The following ATF6 variants were observed in gnomAD, a reference collection of about 807,000 sequenced individuals.
The protein encoded by ATF6 is activating transcription factor 6, also known as cyclic AMP-dependent transcription factor ATF-6 alpha.
A neutral mutation model predicts 83.6 loss-of-function variants in ATF6; 53 were observed. The observed-to-expected ratio is 0.63, with a 90% CI of 0.51 to 0.80. The LOEUF (loss-of-function observed/expected upper bound fraction) is 0.80. Among genes scored for constraint, ATF6 ranks in the 30% least tolerant of loss-of-function variants. ATF6 has a pLI of 0.00. For synonymous variants in ATF6, 288 were observed against 285.8 expected (o/e 1.01, Z -0.08); for missense variants, 744 against 797.9 (o/e 0.93, Z 0.81).
chr1:161,781,867 A>C (rs1204011471), intron 2 of ATF6, 45 bp from the exon 3 acceptor site: 1 of 1,288,688 alleles, frequency 7.8e-7, no homozygotes, highest in Non-Finnish European at 1.1e-6. Context: ...TAAGATGTGT[A>C]TGTTTTATTC....
intron 15 of ATF6, among the ~76,000 whole-genome samples, chr1:161,942,619 T>C (rs1410110729): frequency 1.3e-5 from 2 of 152,226 alleles, no homozygotes; most frequent in African/African-American, 4.8e-5. Flanking sequence ...CTGAAAGTCC[T>C]CCACAAACAT....
At position 161,958,798 on chromosome 1, in the gene ATF6, A is replaced by G; in HGVS notation, c.*144A>G. On this transcript the variant is annotated 3_prime_UTR_variant, in exon 16 of 16. Transcript: ENST00000367942. ...AGGAGGAAAGAAGAAGAAATAAAAG[A>G]AGCTGCTCCATTTTTCATCATCTAC... 1 of 662,866 alleles carries G rather than the reference A, an allele frequency of 1.5e-6. No homozygotes were observed. Among genetic ancestry groups the G allele is most frequent in the East Asian group, 2.8e-5 (1 of 35,142 alleles). 41.1% of individuals were successfully genotyped at this position (662,866 alleles called of 1,614,324 possible).
chr1:161,782,021 A>G, intron 3 of ATF6, 22 bp downstream of exon 3: 1 of 1,470,890 alleles, frequency 6.8e-7, no homozygotes, highest in South Asian at 1.2e-5. Context: ...TTTCACTGGT[A>G]AAAGTTTTAA....
intron 7 of ATF6, among the ~76,000 whole-genome samples, chr1:161,814,928 T>C (rs533646085): frequency 3.2e-4 from 48 of 152,306 alleles, no homozygotes; most frequent in African/African-American, 1.2e-3. Flanking sequence ...ATGTATGTTA[T>C]GTAATTTTTA....
intron 14 of ATF6, among the ~76,000 whole-genome samples, chr1:161,879,327 G>A (rs990388640): frequency 1.5e-4 from 23 of 152,108 alleles, no homozygotes; most frequent in Non-Finnish European, 5.9e-5. Flanking sequence ...AGAGACATTT[G>A]GATTGTGAGG....
intron 15 of ATF6, among the ~76,000 whole-genome samples, chr1:161,947,440 T>C (rs1202737726): frequency 6.6e-6 from 1 of 152,118 alleles, no homozygotes; most frequent in Non-Finnish European, 1.5e-5. Flanking sequence ...CTGGATTCTG[T>C]AAGGACAGAG....
chr1:161,833,166 A>G (rs1407667753), intron 9 of ATF6, among the ~76,000 whole-genome samples: 4 of 152,226 alleles, frequency 2.6e-5, no homozygotes, highest in Non-Finnish European at 4.4e-5. Flanking sequence ...GACCTCCAGT[A>G]AACTCCAACA....
intron 13 of ATF6, 33 bp downstream of exon 13, chr1:161,860,310 T>C (rs1460690570): frequency 3.4e-6 from 5 of 1,450,836 alleles, no homozygotes; most frequent in Non-Finnish European, 3.7e-6. Context: ...GGCCAAGGAA[T>C]TTAAAATAGC....
chr1:161,841,348 A>T (rs1366882267), intron 9 of ATF6, among the ~76,000 whole-genome samples: 1 of 152,206 alleles, frequency 6.6e-6, no homozygotes, highest in Non-Finnish European at 1.5e-5. Flanking sequence ...GGGTCATTTC[A>T]TAGAGTTCAA....
intron 15 of ATF6, among the ~76,000 whole-genome samples, chr1:161,920,260 A>G (rs549622431): frequency 6.9e-6 from 1 of 145,744 alleles, no homozygotes; most frequent in South Asian, 2.2e-4. Flanking sequence ...TTTAAAAAAT[A>G]CATAATCATA....
chr1:161,857,976 G>T (rs1425873319), intron 12 of ATF6, among the ~76,000 whole-genome samples: 2 of 152,136 alleles, frequency 1.3e-5, no homozygotes, highest in Non-Finnish European at 2.9e-5. Flanking sequence ...ACGGTGGCTT[G>T]TGCCTATAAT....
Position 161,781,995 on chromosome 1 carries a change from T to C in ATF6, c.243T>C (p.Cys81=), listed in dbSNP as rs138607905. ...SDIWDINNQI[C]TVKDIKAEPQ... is the part of the protein sequence containing the mutation. The stretch of plus-strand genomic sequence containing the variant: ...TTTGGGACATCAACAACCAAATCTG[T>C]ACAGGTAATTATGTGTTTCACTGGT... Residue 81 remains cysteine (C), a synonymous_variant, in exon 3 of 16, where the codon TGT becomes TGC. Transcript: ENST00000367942. 24 of 1,593,070 alleles carry C rather than the reference T, an allele frequency of 1.5e-5. No individual in the cohort carries two copies. The highest frequency in any genetic ancestry group is 1.8e-5 in the Non-Finnish European group (21 of 1,165,490).
intron 15 of ATF6, among the ~76,000 whole-genome samples, chr1:161,927,885 A>G (rs1288588147): frequency 1.3e-5 from 2 of 152,242 alleles, no homozygotes; most frequent in Non-Finnish European, 2.9e-5. Context: ...GAAATGAGTA[A>G]AATTAAGTAT....
intron 9 of ATF6, among the ~76,000 whole-genome samples, chr1:161,836,308 T>G (rs1216993761): frequency 1.3e-5 from 2 of 152,228 alleles, no homozygotes; most frequent in Non-Finnish European, 2.9e-5. Flanking sequence ...ATATCACTAT[T>G]GGCTGTAGGT....
At chr1:161,832,907 G>A (rs1686103151) in intron 9 of ATF6, among the ~76,000 whole-genome samples, 1 of 152,208 alleles carries the variant, frequency 6.6e-6, no homozygotes, top group Admixed American at 6.5e-5. Context: ...GAAGAGAGTA[G>A]TGGTTCTCCC....
At chr1:161,801,982 T>C in intron 6 of ATF6, 70 bp from the exon 7 acceptor site, 1 of 1,476,874 alleles carries the variant, frequency 6.8e-7, no homozygotes, top group Non-Finnish European at 9.4e-7. Context: ...AGAAAAGACC[T>C]AATTATAAGC....
intron 14 of ATF6, among the ~76,000 whole-genome samples, chr1:161,883,358 A>G (rs1687357588): frequency 6.6e-6 from 1 of 151,966 alleles, no homozygotes; most frequent in Non-Finnish European, 1.5e-5. Context: ...TCTTTTAAAT[A>G]TTTCCTGTAT....
At chr1:161,839,940 A>G (rs977417411) in intron 9 of ATF6, 1 of 152,228 alleles carries the variant, frequency 6.6e-6, no homozygotes, top group Admixed American at 6.5e-5. Context: ...CTGTCGTTTT[A>G]AAGATTTGGG....
At chr1:161,955,267 G>T (rs1688943591) in intron 15 of ATF6, among the ~76,000 whole-genome samples, 1 of 152,136 alleles carries the variant, frequency 6.6e-6, no homozygotes, top group Non-Finnish European at 1.5e-5. Context: ...AGTCTTCTCT[G>T]TTTCCCCAGT....
Sources: gnomAD v4.1 joint callset for allele counts (sites outside exome capture counted in the v4.1 genomes callset) on GRCh38, gnomAD v4.1.1 for gene constraint, MANE v1.5 for transcripts, NCBI Gene and HGNC (gene_info 2026-07-23, HGNC 2026-07-21) for gene names.